The following VAV2 variants were observed in gnomAD, a reference collection of about 807,000 sequenced individuals.
The protein encoded by VAV2 is vav guanine nucleotide exchange factor 2.
Under a neutral mutation model 132.5 loss-of-function variants are expected in VAV2, and 67 were observed. The observed-to-expected ratio is 0.51, with a 90% CI of 0.42 to 0.62. The LOEUF is 0.62. VAV2 is among the 20% of genes least tolerant of loss of function. The pLI, the probability that VAV2 is intolerant of heterozygous loss-of-function variation, is 0.00. For missense variants in VAV2, 938 were observed against 1,153.6 expected (o/e 0.81, Z 2.71); for synonymous variants, 492 against 443.5 (o/e 1.11, Z -1.37).
intron 1 of VAV2, among the ~76,000 whole-genome samples, chr9:133,977,977 G>A (rs530786444): frequency 3.8e-5 from 4 of 104,248 alleles, no homozygotes; most frequent in African/African-American, 6.0e-5. Flanking sequence ...ACGTGTATGC[G>A]TCCACCTGCC....
chr9:133,794,973 G>C lies in VAV2; in HGVS notation c.1101+695C>G, dbSNP rs1362634737. On this transcript the variant is annotated intron_variant, in intron 12 of 29. Coordinates refer to ENST00000371850, the MANE Select transcript of VAV2 (RefSeq NM_001134398.2). This position sits in a 1 kb window ranked among gnomAD's most constrained non-coding sequence, Gnocchi z 4.6. ...TGAGCAGGACGTGGCCAGGTGACGA[G>C]GAGGAGGGTGCACCTGAGCCAACAC... Among the ~76,000 whole-genome samples the C allele has an allele frequency of 6.6e-6, 1 of 152,266 alleles. No homozygotes were observed. The highest frequency in any genetic ancestry group is 1.5e-5 in the Non-Finnish European group (1 of 68,054).
At chr9:133,944,062 G>A (rs1841273912) in intron 1 of VAV2, among the ~76,000 whole-genome samples, 1 of 152,200 alleles carries the variant, frequency 6.6e-6, no homozygotes, top group Admixed American at 6.5e-5. Flanking sequence ...GAGGCCCGAG[G>A]GCATCCTGGA....
At position 133,784,544 on chromosome 9, in the gene VAV2, C is replaced by T. The variant is rs1834142540; in HGVS notation, c.1533-126G>A. On this transcript the variant is annotated intron_variant, in intron 17 of 29. Coordinates refer to ENST00000371850, the MANE Select transcript of VAV2 (RefSeq NM_001134398.2). ...GCAGAATCCGAGAGGGCCTGGACTC[C>T]AAGCCTGGCTCTGCCCGCAACATGG... 3.0e-6 allele frequency: 3 copies of T among 1,009,624 alleles called. No individual in the cohort carries two copies. In the East Asian group the frequency reaches 7.2e-5, roughly 24 times the overall value. The allele number at this position is 1,009,624 out of a possible 1,614,324, so 62.5% of individuals were successfully genotyped here. A position where few individuals can be genotyped will look rare whatever the true frequency, so the allele number is the denominator to read the frequency against.
chr9:133,930,724 T>C (rs1299667742), intron 2 of VAV2, among the ~76,000 whole-genome samples: 1 of 152,144 alleles, frequency 6.6e-6, no homozygotes, highest in African/African-American at 2.4e-5. Context: ...CAGGTGCTCG[T>C]GGACATAAAG....
chr9:133,825,488 T>C (rs1297225433), intron 4 of VAV2, among the ~76,000 whole-genome samples: 1 of 152,100 alleles, frequency 6.6e-6, no homozygotes, highest in African/African-American at 2.4e-5. Context: ...TTCAAACTTG[T>C]CCCCTTTGGA....
intron 2 of VAV2, among the ~76,000 whole-genome samples, chr9:133,921,566 T>C (rs970824365): frequency 2.6e-5 from 4 of 152,202 alleles, no homozygotes; most frequent in Non-Finnish European, 5.9e-5. Context: ...CCTGTGCCTC[T>C]CCCTGCAGGC....
chr9:133,907,909 C>T (rs1839726985), intron 2 of VAV2, among the ~76,000 whole-genome samples: 1 of 78,932 alleles, frequency 1.3e-5, no homozygotes, highest in South Asian at 4.8e-4. Context: ...GGGCCTGGGG[C>T]ACCCCTCCCA....
chr9:133,885,233 G>C lies in VAV2; in HGVS notation c.322-23801C>G, dbSNP rs928427169. Reference sequence around the variant, plus strand: ...GCCCACTCAACCAAGGGCGGCCCAGGGAAGGGCATGTATGCAGCCCCCGCG... The same window carrying C: ...GCCCACTCAACCAAGGGCGGCCCAGCGAAGGGCATGTATGCAGCCCCCGCG... On this transcript the variant is annotated intron_variant, in intron 2 of 29. Transcript: ENST00000371850. This position sits in a 1 kb window ranked among gnomAD's most constrained non-coding sequence, Gnocchi z 5.0. Among the ~76,000 whole-genome samples, 1 of 152,226 alleles carries C rather than the reference G, an allele frequency of 6.6e-6. No homozygotes were observed. Among genetic ancestry groups the C allele is most frequent in the African/African-American group, 2.4e-5 (1 of 41,462 alleles).
intron 1 of VAV2, among the ~76,000 whole-genome samples, chr9:133,984,298 C>T (rs1022494410): frequency 1.3e-5 from 2 of 151,580 alleles, no homozygotes; most frequent in African/African-American, 4.8e-5. Context: ...GTGTGGCATG[C>T]ACATCTGTAG....
Position 133,879,968 on chromosome 9 carries a change from T to C in VAV2, c.322-18536A>G, listed in dbSNP as rs139167591. On this transcript the variant is annotated intron_variant, in intron 2 of 29. Transcript: ENST00000371850. This position sits in a 1 kb window ranked among gnomAD's most constrained non-coding sequence, Gnocchi z 4.4. ...CTTTATGGATTTTTCTTTTCCTGTC[T>C]AAGGGTAGGATTCAAAAATGCACTT... Among the ~76,000 whole-genome samples the C allele has an allele frequency of 6.6e-6, 1 of 152,332 alleles. No homozygotes were observed. The highest frequency in any genetic ancestry group is 1.9e-4 in the East Asian group (1 of 5,186).
At chr9:133,922,761 CAT>C (rs1840341121) in intron 2 of VAV2, among the ~76,000 whole-genome samples, 1 of 152,132 alleles carries the variant, frequency 6.6e-6, no homozygotes, top group Admixed American at 6.5e-5. Flanking sequence ...TAGACAAAAA[CAT>C]AGGGGAAAAG....
At chr9:133,943,018 C>T (rs1458099682) in intron 1 of VAV2, among the ~76,000 whole-genome samples, 2 of 152,242 alleles carry the variant, frequency 1.3e-5, no homozygotes. Flanking sequence ...ATCCCATTTT[C>T]CACAAAGGGA....
rs1842259549 is a variant in VAV2, at chr9:133,969,604, G to A, written c.204+22471C>T. On this transcript the variant is annotated intron_variant, in intron 1 of 29. Coordinates refer to ENST00000371850, the MANE Select transcript of VAV2 (RefSeq NM_001134398.2). This position sits in a 1 kb window ranked among gnomAD's most constrained non-coding sequence, Gnocchi z 5.1. The stretch of plus-strand genomic sequence containing the variant: ...CCAGACATCCCTGCAACCTTGGCCA[G>A]TGGGGGACTTGAACCCCTAGGGCCA... Among the ~76,000 whole-genome samples the A allele has an allele frequency of 6.6e-6, 1 of 152,128 alleles. No homozygotes were observed. The highest frequency in any genetic ancestry group is 2.4e-5 in the African/African-American group (1 of 41,398).
chr9:133,921,805 G>A (rs1032505541), intron 2 of VAV2, among the ~76,000 whole-genome samples: 5 of 152,216 alleles, frequency 3.3e-5, no homozygotes, highest in African/African-American at 7.2e-5. Flanking sequence ...AATCAACCGC[G>A]GATGAACTTG....
At chr9:133,771,618 C>A (rs1478972957) in intron 26 of VAV2, among the ~76,000 whole-genome samples, 1 of 152,134 alleles carries the variant, frequency 6.6e-6, no homozygotes, top group Non-Finnish European at 1.5e-5. Context: ...CCGGCCAGGC[C>A]CCAGCTGGAA....
At chr9:133,990,250 G>C (rs942686745) in intron 1 of VAV2, among the ~76,000 whole-genome samples, 2 of 152,104 alleles carry the variant, frequency 1.3e-5, no homozygotes, top group Admixed American at 1.3e-4. Context: ...CCCCTCTACC[G>C]GCCCAGCAGC....
chr9:133,859,911 G>A (rs934386802), intron 3 of VAV2, among the ~76,000 whole-genome samples: 11 of 152,234 alleles, frequency 7.2e-5, no homozygotes, highest in African/African-American at 2.7e-4. Flanking sequence ...CCTCTAGAAA[G>A]TACTCAGGGT....
In VAV2 at chr9:133,763,605, G is replaced by A. The variant is rs1833335610; in HGVS notation, c.*457C>T. 1 of 173,918 alleles carries A rather than the reference G, an allele frequency of 5.7e-6. No individual in the cohort carries two copies. The highest frequency in any genetic ancestry group is 1.2e-5 in the Non-Finnish European group (1 of 81,364). The allele number at this position is 173,918 out of a possible 1,614,324, so 10.8% of individuals were successfully genotyped here. On this transcript the variant is annotated 3_prime_UTR_variant, in exon 30 of 30. Transcript: ENST00000371850. The surrounding 1 kb of genome is among the most constrained non-coding windows in gnomAD (Gnocchi z 6.8). Reference sequence around the variant, plus strand: ...TGACACCTCCCCCTGGGAGCAGCAGGAAAAGACAGGCAAGGCTGAGTCCAG... The same window carrying A: ...TGACACCTCCCCCTGGGAGCAGCAGAAAAAGACAGGCAAGGCTGAGTCCAG...
chr9:133,922,058 C>T (rs1033671943), intron 2 of VAV2, among the ~76,000 whole-genome samples: 18 of 152,236 alleles, frequency 1.2e-4, no homozygotes, highest in Admixed American at 6.5e-4. Context: ...GGATGGGCCC[C>T]GCCTGCTGGA....
Sources: allele counts gnomAD v4.1 joint callset (sites outside exome capture counted in the v4.1 genomes callset), GRCh38; gene constraint gnomAD v4.1.1; non-coding constraint Gnocchi (gnomAD v3.1); transcripts MANE v1.5; gene names NCBI Gene and HGNC (gene_info 2026-07-23, HGNC 2026-07-21).